ZNF618: variants seen among roughly 807,000 people sequenced by gnomAD.
ZNF618 encodes the protein zinc finger protein 618.
ZNF618 carries 34 observed loss-of-function variants against 103.0 expected under a neutral mutation model. The ratio of observed to expected loss-of-function variants is 0.33; its 90% CI spans 0.25 to 0.44. The LOEUF is 0.44. Ranked by LOEUF, ZNF618 falls within the 20% of genes least tolerant of loss-of-function variation. ZNF618 has a pLI of 1.00. For synonymous variants in ZNF618, 551 were observed against 542.2 expected (o/e 1.02, Z -0.23); for missense variants, 1,059 against 1,295.4 (o/e 0.82, Z 2.80).
intron 1 of ZNF618, among the ~76,000 whole-genome samples, chr9:113,889,496 C>T (rs1587943056): frequency 6.6e-6 from 1 of 152,222 alleles, no homozygotes; most frequent in East Asian, 1.9e-4. Context: ...ATGACTTAGC[C>T]TCCAAAGTCA....
rs966052639 is a variant in ZNF618, at chr9:114,001,429, C to T, written c.434-567C>T. ...TACAGGGAGTATATGGCCACCCCTACGAGGTAGGTGCATGTGGTCCCATTC... is the reference window on the plus strand; with the variant it reads ...TACAGGGAGTATATGGCCACCCCTATGAGGTAGGTGCATGTGGTCCCATTC... On this transcript the variant is annotated intron_variant, in intron 4 of 14. Transcript: ENST00000374126. Among the ~76,000 whole-genome samples the T allele has an allele frequency of 4.6e-5, 7 of 152,084 alleles. No individual in the cohort carries two copies. In the East Asian group the frequency reaches 5.8e-4, roughly 13 times the overall value.
chr9:114,005,654 T>C (rs561729987), intron 6 of ZNF618, among the ~76,000 whole-genome samples: 1 of 152,304 alleles, frequency 6.6e-6, no homozygotes, highest in African/African-American at 2.4e-5. Context: ...TGGCCTTGAC[T>C]TCTCTGTCTC....
chr9:113,919,835 A>G (rs961099336), intron 1 of ZNF618, among the ~76,000 whole-genome samples: 6 of 152,252 alleles, frequency 3.9e-5, no homozygotes, highest in African/African-American at 7.2e-5. Flanking sequence ...GGCTCTTCGT[A>G]GTCTAATGAG....
intron 1 of ZNF618, among the ~76,000 whole-genome samples, chr9:113,936,150 G>A (rs1260069785): frequency 6.6e-6 from 1 of 152,122 alleles, no homozygotes; most frequent in South Asian, 2.1e-4. Context: ...TCCTTCTCCA[G>A]GGGAAGCCAA....
intron 12 of ZNF618, among the ~76,000 whole-genome samples, chr9:114,036,046 G>C (rs936877209): frequency 2.0e-5 from 3 of 152,200 alleles, no homozygotes; most frequent in Non-Finnish European, 4.4e-5. Flanking sequence ...CTGGCACGCA[G>C]TAAGCACTCA....
rs200460369 is a variant in ZNF618, at chr9:113,921,891, GT to G, written c.33+45487del. ...TGGCCTTTCTTATGTTGTAGGGAGG[GT>G]TTTTTTTTCCTGTTATTTGTATTAT... is the stretch of plus-strand genomic sequence containing the variant. On this transcript the variant is annotated intron_variant, in intron 1 of 14. Coordinates refer to ENST00000374126, the MANE Select transcript of ZNF618 (RefSeq NM_001318042.2). Among the ~76,000 whole-genome samples, 52 of 151,060 alleles carry G rather than the reference GT, an allele frequency of 3.4e-4. No individual in the cohort carries two copies. The South Asian group carries it at 4.6e-3, about 13-fold the overall frequency.
intron 2 of ZNF618, among the ~76,000 whole-genome samples, chr9:113,974,629 A>G (rs1057285389): frequency 6.6e-6 from 1 of 152,116 alleles, no homozygotes; most frequent in Non-Finnish European, 1.5e-5. Flanking sequence ...TCAGTTCAGC[A>G]AAGGATTATG....
intron 1 of ZNF618, among the ~76,000 whole-genome samples, chr9:113,950,056 C>T (rs1184613044): frequency 3.3e-5 from 5 of 152,082 alleles, no homozygotes; most frequent in African/African-American, 7.2e-5. Context: ...AGACTAACAA[C>T]GTAATTATAT....
At chr9:114,005,600 A>G (rs1351150309) in intron 6 of ZNF618, among the ~76,000 whole-genome samples, 2 of 152,160 alleles carry the variant, frequency 1.3e-5, no homozygotes, top group African/African-American at 4.8e-5. Context: ...TCAGCTTAGG[A>G]GAGGAATGTC....
chr9:114,027,742 A>G (rs1843638478), intron 10 of ZNF618, among the ~76,000 whole-genome samples: 2 of 152,034 alleles, frequency 1.3e-5, no homozygotes, highest in South Asian at 2.1e-4. Flanking sequence ...CAGGGGAGCA[A>G]CAGCCAGGTC....
intron 2 of ZNF618, among the ~76,000 whole-genome samples, chr9:113,980,862 T>C (rs1838909158): frequency 6.6e-6 from 1 of 152,150 alleles, no homozygotes; most frequent in South Asian, 2.1e-4. Flanking sequence ...CTGGATTGAA[T>C]AGAGTGGCAG....
In ZNF618 at chr9:114,049,062, A is replaced by G; in HGVS notation, c.1760A>G (p.Asp587Gly). The change falls in exon 15 of 15, where the codon GAC becomes GGC. Residue 587 changes from aspartate to glycine, a missense_variant. By Grantham distance (94) the Asp-to-Gly change is moderately conservative. Coordinates refer to ENST00000374126, the MANE Select transcript of ZNF618 (RefSeq NM_001318042.2). ...KSYVLGVKGA[D>G]IRDSGDLVHH... ...TATGTGCTTGGTGTGAAGGGTGCGG[A>G]CATTCGCGACAGCGGTGACCTTGTG... The G allele has an allele frequency of 6.2e-7, 1 of 1,613,908 alleles. No individual in the cohort carries two copies. The highest frequency in any genetic ancestry group is 1.1e-5 in the South Asian group (1 of 91,092).
intron 1 of ZNF618, among the ~76,000 whole-genome samples, chr9:113,910,723 C>T (rs1418621265): frequency 6.6e-6 from 1 of 152,214 alleles, no homozygotes; most frequent in Non-Finnish European, 1.5e-5. Flanking sequence ...TTCCTTCACA[C>T]CTGTGCTCAG....
At chr9:113,931,126 A>G (rs565857620) in intron 1 of ZNF618, among the ~76,000 whole-genome samples, 1 of 152,332 alleles carries the variant, frequency 6.6e-6, no homozygotes, top group Non-Finnish European at 1.5e-5. Context: ...TGGTATGTTG[A>G]GTAAGGGCAG....
chr9:114,016,000 C>A, intron 9 of ZNF618: 1 of 986,228 alleles, frequency 1.0e-6, no homozygotes, highest in Non-Finnish European at 1.5e-6. Flanking sequence ...CCAGGGCACC[C>A]TCCCCCAAGG....
chr9:113,944,887 T>C (rs1004178177), intron 1 of ZNF618, among the ~76,000 whole-genome samples: 8 of 152,206 alleles, frequency 5.3e-5, no homozygotes, highest in Non-Finnish European at 1.2e-4. Context: ...AAAAGCTCAG[T>C]AGCCACAGGG....
At chr9:113,979,650 C>T (rs1838802562) in intron 2 of ZNF618, among the ~76,000 whole-genome samples, 1 of 152,214 alleles carries the variant, frequency 6.6e-6, no homozygotes, top group Non-Finnish European at 1.5e-5. Flanking sequence ...CCTCCAGTGC[C>T]ATGCTGGCAT....
intron 1 of ZNF618, among the ~76,000 whole-genome samples, chr9:113,965,046 C>T (rs569511299): frequency 3.9e-4 from 58 of 150,466 alleles, no homozygotes; most frequent in Non-Finnish European, 7.4e-4. Context: ...TGCTATCCTC[C>T]CACTCTCTAG....
chr9:114,032,644 G>A lies in ZNF618; in HGVS notation c.1085-1G>A, dbSNP rs773083253. ...CTTTCTCTCTCCTGTCCCCCACCCAGCAGAAAGCGCTTTCAGTCGGAGAGT... is the reference window on the plus strand; with the variant it reads ...CTTTCTCTCTCCTGTCCCCCACCCAACAGAAAGCGCTTTCAGTCGGAGAGT... On this transcript the variant is annotated splice_acceptor_variant, in intron 11 of 14. Coordinates refer to ENST00000374126, the MANE Select transcript of ZNF618 (RefSeq NM_001318042.2). LOFTEE classifies it high-confidence loss of function. 4 of 1,613,882 alleles carry A rather than the reference G, an allele frequency of 2.5e-6. No individual in the cohort carries two copies. The highest frequency in any genetic ancestry group is 3.4e-6 in the Non-Finnish European group (4 of 1,179,804).
Sources: gnomAD v4.1 joint callset for allele counts (sites outside exome capture counted in the v4.1 genomes callset) on GRCh38, gnomAD v4.1.1 for gene constraint, MANE v1.5 for transcripts, NCBI Gene and HGNC (gene_info 2026-07-23, HGNC 2026-07-21) for gene names.